The following TNFRSF10B variants were observed in gnomAD, a reference collection of about 807,000 sequenced individuals.
TNFRSF10B encodes the protein tumor necrosis factor receptor superfamily member 10B.
TNFRSF10B carries 35 observed loss-of-function variants against 41.4 expected under a neutral mutation model. The observed-to-expected ratio is 0.85, with a 90% CI of 0.65 to 1.12. The LOEUF is 1.12. TNFRSF10B is among the 50% of genes most tolerant of loss of function. The pLI is 0.00. For missense variants in TNFRSF10B, 584 were observed against 552.7 expected, an observed-to-expected ratio of 1.06 and a Z score of -0.57; for synonymous variants, 230 against 215.5, an observed-to-expected ratio of 1.07 and a Z score of -0.59.
chr8:23,020,533 A>T lies in TNFRSF10B; in HGVS notation c.*2138T>A. 2.2e-6 allele frequency: 1 copy of T among 446,920 alleles called. No individual in the cohort carries two copies. The highest frequency in any genetic ancestry group is 4.5e-6 in the Non-Finnish European group (1 of 222,172). The allele number at this position is 446,920 out of a possible 1,614,324, so 27.7% of individuals were successfully genotyped here. A position where few individuals can be genotyped will look rare whatever the true frequency, so the allele number is the denominator to read the frequency against. On this transcript the variant is annotated 3_prime_UTR_variant, in exon 9 of 9. Coordinates refer to ENST00000276431, the MANE Select transcript of TNFRSF10B (RefSeq NM_003842.5). ...ATGGTGAAACCCCGTCTCTACTAAA[A>T]ATACAAAAATTAGCCAGGCGTGGTG...
chr8:23,039,945 C>T (rs180728462), intron 2 of TNFRSF10B, among the ~76,000 whole-genome samples: 20 of 152,174 alleles, frequency 1.3e-4, no homozygotes, highest in Non-Finnish European at 2.8e-4. Flanking sequence ...GTAATCCCAA[C>T]ACTTTGGGAG....
intron 1 of TNFRSF10B, among the ~76,000 whole-genome samples, chr8:23,052,843 A>T (rs939945064): frequency 6.6e-6 from 1 of 152,222 alleles, no homozygotes; most frequent in African/African-American, 2.4e-5. Flanking sequence ...TTGGACTGTT[A>T]AATTCTAGAT....
chr8:23,067,781 C>G (rs147849663), intron 1 of TNFRSF10B, among the ~76,000 whole-genome samples: 26 of 152,356 alleles, frequency 1.7e-4, no homozygotes, highest in East Asian at 1.3e-3. Context: ...CACCAGCATT[C>G]TCTTGACCTT....
intron 1 of TNFRSF10B, among the ~76,000 whole-genome samples, chr8:23,057,094 C>T (rs1306909615): frequency 6.9e-6 from 1 of 144,482 alleles, no homozygotes; most frequent in Non-Finnish European, 1.5e-5. Context: ...GGATGGAGTG[C>T]AGTGGTGCAA....
intron 8 of TNFRSF10B, 29 bp from the exon 9 acceptor site, chr8:23,023,013 G>A: frequency 6.2e-7 from 1 of 1,604,522 alleles, no homozygotes; most frequent in Non-Finnish European, 8.5e-7. Flanking sequence ...GAGACAGCCA[G>A]GTGAGTTGGG....
chr8:23,020,226 C>T lies in TNFRSF10B; in HGVS notation c.*2445G>A, dbSNP rs1181043042. ...GTGCTTCCTTGTTTGTATTATAACA[C>T]ATTTCAAATAGGGACCTTTGACAGG... is the stretch of plus-strand genomic sequence containing the variant. On this transcript the variant is annotated 3_prime_UTR_variant, in exon 9 of 9. Coordinates refer to ENST00000276431, the MANE Select transcript of TNFRSF10B (RefSeq NM_003842.5). 1 of 453,012 alleles carries T rather than the reference C, an allele frequency of 2.2e-6. No individual in the cohort carries two copies. The highest frequency in any genetic ancestry group is 4.4e-6 in the Non-Finnish European group (1 of 225,912). The allele number at this position is 453,012 out of a possible 1,614,324, so 28.1% of individuals were successfully genotyped here.
chr8:23,062,223 T>TTTTC (rs769931243), intron 1 of TNFRSF10B, among the ~76,000 whole-genome samples: 1 of 151,996 alleles, frequency 6.6e-6, no homozygotes, highest in Non-Finnish European at 1.5e-5. Flanking sequence ...TCTTTTTTCT[T>TTTTC]TTTCTTTCTT....
intron 7 of TNFRSF10B, among the ~76,000 whole-genome samples, chr8:23,025,060 G>A (rs900127585): frequency 9.9e-5 from 15 of 152,164 alleles, no homozygotes; most frequent in African/African-American, 3.4e-4. Context: ...CGGTAAGTCC[G>A]AGCTTACTTG....
rs1473070579 is a variant in TNFRSF10B at position 23,021,044 on chromosome 8, C to G, written c.*1627G>C. 4 of 454,134 alleles carry G rather than the reference C, an allele frequency of 8.8e-6. No homozygotes were observed. The highest frequency in any genetic ancestry group is 4.7e-5 in the South Asian group (3 of 64,476). 28.1% of individuals were successfully genotyped at this position (454,134 alleles called of 1,614,324 possible). ...AATTCTAACTTTGTCCCACCCAAAC[C>G]AGTCCCGGAACAAAACACACAATGC... On this transcript the variant is annotated 3_prime_UTR_variant, in exon 9 of 9. Coordinates refer to ENST00000276431, the MANE Select transcript of TNFRSF10B (RefSeq NM_003842.5).
At chr8:23,053,229 C>T (rs548039004) in intron 1 of TNFRSF10B, among the ~76,000 whole-genome samples, 1 of 152,262 alleles carries the variant, frequency 6.6e-6, no homozygotes, top group African/African-American at 2.4e-5. Flanking sequence ...ACCTTACCTG[C>T]ATTTCTGTCT....
rs760085150 is a variant in TNFRSF10B, at chr8:23,068,930, G to A, written c.-36C>T. On this transcript the variant is annotated 5_prime_UTR_variant, in exon 1 of 9. The change creates a new upstream start codon in the 5' untranslated region. Coordinates refer to ENST00000276431, the MANE Select transcript of TNFRSF10B (RefSeq NM_003842.5). ...AACGCTCTTATAGTCTCTCAGGCCC[G>A]TGGGTTTCAGCCCTTAAAGTAGATC... 11 of 1,613,004 alleles carry A rather than the reference G, an allele frequency of 6.8e-6. No homozygotes were observed. In the South Asian group the frequency reaches 1.2e-4, roughly 18 times the overall value.
Position 23,029,645 on chromosome 8 carries a change from T to G in TNFRSF10B, c.441A>C (p.Glu147Asp), listed in dbSNP as rs572250195. ...ACTTCCGGCACATCTCAGGAGAATC[T>G]TCTTCCCGGAAGGTGCCTTCTTCGC... ...CQCEEGTFRE[E>D]DSPEMCRKCR... Residue 147 changes from glutamate to aspartate, a missense_variant, in exon 4 of 9, where the codon GAA becomes GAC. Glu to Asp is a conservative substitution (Grantham distance 45, BLOSUM62 2). Coordinates refer to ENST00000276431, the MANE Select transcript of TNFRSF10B (RefSeq NM_003842.5). 4 of 1,613,410 alleles carry G rather than the reference T, an allele frequency of 2.5e-6. No individual in the cohort carries two copies. In the East Asian group the frequency reaches 6.7e-5, roughly 27 times the overall value.
At chr8:23,045,997 C>T (rs1812347968) in intron 1 of TNFRSF10B, among the ~76,000 whole-genome samples, 1 of 152,148 alleles carries the variant, frequency 6.6e-6, no homozygotes, top group South Asian at 2.1e-4. Context: ...CAGTGAAAAG[C>T]TGAAAGCTTT....
chr8:23,048,368 G>A (rs375359989), intron 1 of TNFRSF10B, among the ~76,000 whole-genome samples: 59 of 151,692 alleles, frequency 3.9e-4, no homozygotes, highest in African/African-American at 1.4e-3. Flanking sequence ...CCCGGGAGGC[G>A]GAGGTTGCAG....
chr8:23,043,486 G>A (rs772224108), intron 1 of TNFRSF10B, among the ~76,000 whole-genome samples: 1 of 152,186 alleles, frequency 6.6e-6, no homozygotes, highest in African/African-American at 2.4e-5. Flanking sequence ...GGCAAGGAAA[G>A]TTTTTACAAG....
chr8:23,043,614 A>T (rs1022515111), intron 1 of TNFRSF10B, among the ~76,000 whole-genome samples: 14 of 152,070 alleles, frequency 9.2e-5, no homozygotes. Flanking sequence ...TCTTTCTCTT[A>T]TTCTCTCTCA....
At chr8:23,062,305 A>G (rs1046081186) in intron 1 of TNFRSF10B, among the ~76,000 whole-genome samples, 42 of 151,940 alleles carry the variant, frequency 2.8e-4, no homozygotes, top group African/African-American at 1.0e-3. Context: ...ACTGCAACCT[A>G]CATCTCCGGG....
intron 1 of TNFRSF10B, among the ~76,000 whole-genome samples, chr8:23,059,801 C>T (rs755839102): frequency 7.9e-5 from 12 of 152,132 alleles, no homozygotes; most frequent in Non-Finnish European, 1.0e-4. Flanking sequence ...CATGAGCCAC[C>T]GCACCCGGCC....
intron 2 of TNFRSF10B, among the ~76,000 whole-genome samples, chr8:23,036,961 A>G (rs1812047662): frequency 6.6e-6 from 1 of 152,196 alleles, no homozygotes; most frequent in Non-Finnish European, 1.5e-5. Context: ...GCTGTGGTCA[A>G]TGATTTGGCT....
Sources: allele counts gnomAD v4.1 joint callset (sites outside exome capture counted in the v4.1 genomes callset), GRCh38; gene constraint gnomAD v4.1.1; transcripts MANE v1.5; gene names NCBI Gene and HGNC (gene_info 2026-07-23, HGNC 2026-07-21).